Variants in XKR9 observed in about 807,000 individuals in gnomAD.
The protein encoded by XKR9 is XK-related protein 9.
XKR9 carries 32 observed loss-of-function variants against 32.0 expected under a neutral mutation model. That is an observed-to-expected ratio of 1.00 (90% CI 0.76 to 1.34). The LOEUF is 1.34. XKR9 is among the 40% of genes most tolerant of loss of function. The pLI, the probability that XKR9 is intolerant of heterozygous loss-of-function variation, is 0.00. For synonymous variants in XKR9, 168 were observed against 143.4 expected (o/e 1.17, Z -1.22); for missense variants, 546 against 429.7 (o/e 1.27, Z -2.39).
chr8:70,757,835 C>T (rs1216157382), intron 2 of XKR9, among the ~76,000 whole-genome samples: 2 of 152,186 alleles, frequency 1.3e-5, no homozygotes, highest in African/African-American at 4.8e-5. Flanking sequence ...GATCCGCCCA[C>T]CTCAGCCTCC....
Position 70,734,475 on chromosome 8 carries a change from A to G in XKR9, c.*51A>G, listed in dbSNP as rs1322287697. The stretch of plus-strand genomic sequence containing the variant: ...CTTATATTTTGTTTCATTGGTTAGT[A>G]AAGAAAATGTGTGTTATGTGGGTGT... On this transcript the variant is annotated 3_prime_UTR_variant, in exon 5 of 5. Coordinates refer to ENST00000408926, the MANE Select transcript of XKR9 (RefSeq NM_001011720.2). The G allele has an allele frequency of 5.5e-6, 8 of 1,444,680 alleles. No individual in the cohort carries two copies. Among genetic ancestry groups the G allele is most frequent in the Non-Finnish European group, 7.2e-6 (8 of 1,109,020 alleles). The allele number at this position is 1,444,680 out of a possible 1,614,324, so 89.5% of individuals were successfully genotyped here.
At chr8:70,890,019 C>A in the XKR9 span, among the ~76,000 whole-genome samples, 1 of 152,040 alleles carries the variant, frequency 6.6e-6, no homozygotes, top group Non-Finnish European at 1.5e-5. Context: ...AGTGGCTGAG[C>A]TAATTTACAT....
At chr8:71,058,178 C>CAAAA in the XKR9 span, among the ~76,000 whole-genome samples, 934 of 149,202 alleles carry the variant, frequency 6.3e-3, 7 homozygotes, top group Middle Eastern at 0.039. Context: ...GACTCCGTCT[C>CAAAA]AAAAAAAAAA....
In XKR9 at chr8:70,734,542, A is replaced by C; in HGVS notation, c.*118A>C. 7.6e-7 allele frequency: 1 copy of C among 1,307,890 alleles called. No homozygotes were observed. The highest frequency in any genetic ancestry group is 2.0e-5 in the South Asian group (1 of 50,240). 81.0% of individuals were successfully genotyped at this position (1,307,890 alleles called of 1,614,324 possible). A position where few individuals can be genotyped will look rare whatever the true frequency, so the allele number is the denominator to read the frequency against. ...GCCACCTTTAATTTGAAATTAGTTC[A>C]GTGAAATAGGAGATACATAGTAGTA... On this transcript the variant is annotated 3_prime_UTR_variant, in exon 5 of 5. Transcript: ENST00000408926.
At chr8:70,786,701 GT>G (rs1445481585) in intron 2 of XKR9, among the ~76,000 whole-genome samples, 7 of 152,004 alleles carry the variant, frequency 4.6e-5, no homozygotes, top group Admixed American at 4.6e-4. Context: ...GTTGGGTCTT[GT>G]TTTTTCAGTC....
intron 2 of XKR9, among the ~76,000 whole-genome samples, chr8:70,755,272 A>G (rs1807203721): frequency 6.6e-6 from 1 of 152,172 alleles, no homozygotes; most frequent in Non-Finnish European, 1.5e-5. Context: ...GGTGCTGGAG[A>G]GGATGTGGAG....
chr8:70,694,928 C>G (rs1018146613), intron 3 of XKR9, among the ~76,000 whole-genome samples: 8 of 152,192 alleles, frequency 5.3e-5, no homozygotes, highest in South Asian at 2.1e-4. Context: ...TCTGCTGAGA[C>G]TCTACATAGC....
chr8:70,726,011 A>G (rs1243671162), intron 4 of XKR9, among the ~76,000 whole-genome samples: 3 of 152,188 alleles, frequency 2.0e-5, no homozygotes, highest in Non-Finnish European at 4.4e-5. Flanking sequence ...ACCCAGATAA[A>G]CTCAATCTAA....
the XKR9 span, among the ~76,000 whole-genome samples, chr8:70,969,431 G>A: frequency 6.6e-6 from 1 of 152,102 alleles, no homozygotes; most frequent in African/African-American, 2.4e-5. Context: ...AACCATATGG[G>A]TTACATTCAG....
At chr8:70,858,231 C>CA in the XKR9 span, among the ~76,000 whole-genome samples, 5 of 152,100 alleles carry the variant, frequency 3.3e-5, no homozygotes, top group Non-Finnish European at 7.4e-5. Flanking sequence ...CGTCTCATCC[C>CA]AAAATCTCCT....
At chr8:71,031,119 T>C in the XKR9 span, among the ~76,000 whole-genome samples, 1 of 152,208 alleles carries the variant, frequency 6.6e-6, no homozygotes, top group Non-Finnish European at 1.5e-5. Flanking sequence ...ATACTAGCTG[T>C]ACAATAAATA....
At chr8:70,677,428 G>T (rs912737936) in intron 2 of XKR9, among the ~76,000 whole-genome samples, 1 of 152,166 alleles carries the variant, frequency 6.6e-6, no homozygotes, top group African/African-American at 2.4e-5. Flanking sequence ...GATTACAGGC[G>T]TGAGCTACTG....
the XKR9 span, among the ~76,000 whole-genome samples, chr8:71,046,486 C>T: frequency 6.6e-6 from 1 of 152,180 alleles, no homozygotes; most frequent in African/African-American, 2.4e-5. Flanking sequence ...TGTATGTTGT[C>T]CCTTCTCTCT....
chr8:70,873,846 T>C, the XKR9 span, among the ~76,000 whole-genome samples: 2 of 152,222 alleles, frequency 1.3e-5, no homozygotes, highest in African/African-American at 2.4e-5. Flanking sequence ...TCAAGCAGCA[T>C]TGCATGCTAC....
rs747430311 is a variant in XKR9 at position 70,760,400 on chromosome 8, G to A, written n.353-28939G>A. The stretch of plus-strand genomic sequence containing the variant: ...TATACAGTATGTGCACCTTAGAGTC[G>A]TCACACTGGTAGAGTGAATTATTAC... On this transcript the variant is annotated intron_variant and non_coding_transcript_variant, in intron 2 of 3. Coordinates refer to the XKR9 transcript ENST00000520273. Among the ~76,000 whole-genome samples the A allele has an allele frequency of 3.9e-5, 6 of 152,132 alleles. 1 individual carries two copies. The South Asian group carries it at 6.2e-4, about 16-fold the overall frequency.
chr8:70,808,412 C>A, the XKR9 span, among the ~76,000 whole-genome samples: 5 of 152,152 alleles, frequency 3.3e-5, no homozygotes, highest in East Asian at 9.6e-4. Context: ...AACTGAGGTA[C>A]TGGGTTCATC....
At chr8:70,836,146 T>C in the XKR9 span, among the ~76,000 whole-genome samples, 1 of 152,106 alleles carries the variant, frequency 6.6e-6, no homozygotes, top group African/African-American at 2.4e-5. Flanking sequence ...TAGACATTAG[T>C]ATGCTTTCCT....
chr8:71,053,000 G>A, the XKR9 span, among the ~76,000 whole-genome samples: 1 of 152,134 alleles, frequency 6.6e-6, no homozygotes. Context: ...AAGAGATTGT[G>A]GCAAAGATAA....
chr8:70,770,670 G>A (rs1807441751), intron 2 of XKR9, among the ~76,000 whole-genome samples: 1 of 152,182 alleles, frequency 6.6e-6, no homozygotes. Flanking sequence ...CACTGAGGTG[G>A]GCTCTGCCCA....
Sources: gnomAD v4.1 joint callset for allele counts (sites outside exome capture counted in the v4.1 genomes callset) on GRCh38, gnomAD v4.1.1 for gene constraint, MANE v1.5 for transcripts, NCBI Gene and HGNC (gene_info 2026-07-23, HGNC 2026-07-21) for gene names.